The following RABGEF1 variants were observed in gnomAD, a reference collection of about 807,000 sequenced individuals.
RABGEF1 encodes RAB guanine nucleotide exchange factor 1, also known as rab5 GDP/GTP exchange factor.
Under a neutral mutation model 57.3 loss-of-function variants are expected in RABGEF1, and 26 were observed. That is an observed-to-expected ratio of 0.45 (90% CI 0.33 to 0.63). The LOEUF (loss-of-function observed/expected upper bound fraction) is 0.63. Among genes scored for constraint, RABGEF1 ranks in the 20% least tolerant of loss-of-function variants. The pLI, the probability that RABGEF1 is intolerant of heterozygous loss-of-function variation, is 0.02. For synonymous variants in RABGEF1, 185 were observed against 210.7 expected, an observed-to-expected ratio of 0.88 and a Z score of 1.06; for missense variants, 464 against 607.6, an observed-to-expected ratio of 0.76 and a Z score of 2.48.
chr7:66,802,947 G>A (rs1317065453), intron 7 of RABGEF1, among the ~76,000 whole-genome samples: 4 of 151,258 alleles, frequency 2.6e-5, no homozygotes, highest in African/African-American at 9.7e-5. Flanking sequence ...AAATAAAAGA[G>A]AGAAAAAAAA....
At chr7:66,794,960 A>C (rs1813659458) in intron 4 of RABGEF1, among the ~76,000 whole-genome samples, 1 of 152,242 alleles carries the variant, frequency 6.6e-6, no homozygotes, top group Non-Finnish European at 1.5e-5. Context: ...AAATCTATTT[A>C]AGAATACGTA....
intron 1 of RABGEF1, among the ~76,000 whole-genome samples, chr7:66,698,233 A>G (rs1258384698): frequency 6.6e-6 from 1 of 152,186 alleles, no homozygotes; most frequent in Admixed American, 6.5e-5. Context: ...GAGCCTCACC[A>G]GTGCATGCAC....
chr7:66,684,588 G>A (rs1790310752), intron 1 of RABGEF1, among the ~76,000 whole-genome samples: 1 of 152,140 alleles, frequency 6.6e-6, no homozygotes, highest in Admixed American at 6.6e-5. Context: ...CCAAGTAGCT[G>A]GGAACACAGG....
At chr7:66,688,652 TAAAC>T (rs911677297) in intron 1 of RABGEF1, among the ~76,000 whole-genome samples, 1 of 152,168 alleles carries the variant, frequency 6.6e-6, no homozygotes, top group East Asian at 1.9e-4. Flanking sequence ...AACACACTCT[TAAAC>T]AATCACTGGT....
chr7:66,759,674 A>G (rs375301261), intron 1 of RABGEF1, among the ~76,000 whole-genome samples: 4 of 152,132 alleles, frequency 2.6e-5, no homozygotes, highest in African/African-American at 9.7e-5. Flanking sequence ...TGTCTCCCCT[A>G]GTGGGAGCAG....
At chr7:66,752,195 TAAAA>T (rs374011194) in intron 1 of RABGEF1, among the ~76,000 whole-genome samples, 1 of 145,610 alleles carries the variant, frequency 6.9e-6, no homozygotes, top group Non-Finnish European at 1.5e-5. Context: ...CTGTCCCAAT[TAAAA>T]AAAAAAAGTC....
the RABGEF1 span, among the ~76,000 whole-genome samples, chr7:66,664,262 A>G: frequency 5.3e-5 from 8 of 152,102 alleles, no homozygotes; most frequent in East Asian, 1.5e-3. Flanking sequence ...TGAAATGTGT[A>G]AACAGTGAAC....
At chr7:66,676,908 A>G in the RABGEF1 span, among the ~76,000 whole-genome samples, 4 of 152,206 alleles carry the variant, frequency 2.6e-5, no homozygotes, top group African/African-American at 9.6e-5. Context: ...CTTGATGCAC[A>G]AAAGTTAAAA....
rs373790046 is a variant in RABGEF1, at chr7:66,757,705, A to C, written c.-17-14178A>C. ...CGGCTCACTGCAAGCTCCGCCTGCC[A>C]GGTTCATGCCATTCTCCTGCCTCAG... On this transcript the variant is annotated intron_variant, in intron 1 of 8. Transcript: ENST00000284957. 5.9e-5 allele frequency among the ~76,000 whole-genome samples: 9 copies of C among 152,282 alleles called. No individual in the cohort carries two copies. In the East Asian group the frequency reaches 9.6e-4, roughly 16 times the overall value.
chr7:66,674,750 ACT>A, the RABGEF1 span, among the ~76,000 whole-genome samples: 1 of 151,940 alleles, frequency 6.6e-6, no homozygotes. Flanking sequence ...AAAAGGCAAA[ACT>A]CATCTTTACT....
At chr7:66,693,925 A>G (rs1488559774) in intron 1 of RABGEF1, among the ~76,000 whole-genome samples, 1 of 151,498 alleles carries the variant, frequency 6.6e-6, no homozygotes, top group East Asian at 1.9e-4. Flanking sequence ...CTCCTGCCTC[A>G]TCCACCAGAG....
At chr7:66,800,374 C>T (rs1158185528) in intron 7 of RABGEF1, among the ~76,000 whole-genome samples, 2 of 152,220 alleles carry the variant, frequency 1.3e-5, no homozygotes, top group Admixed American at 6.5e-5. Flanking sequence ...TCCAGGCATT[C>T]TCTGCTGATG....
the RABGEF1 span, among the ~76,000 whole-genome samples, chr7:66,676,958 G>C: frequency 6.6e-6 from 1 of 152,118 alleles, no homozygotes; most frequent in African/African-American, 2.4e-5. Flanking sequence ...TTCTTTTATT[G>C]CCTGTCCGTT....
At chr7:66,749,004 T>A (rs890985184) in intron 1 of RABGEF1, 6 of 170,370 alleles carry the variant, frequency 3.5e-5, no homozygotes, top group Admixed American at 3.2e-4. Flanking sequence ...GTAGGTGATA[T>A]CAGGCCTTCA....
intron 2 of RABGEF1, among the ~76,000 whole-genome samples, chr7:66,731,307 G>A (rs1797281935): frequency 6.6e-6 from 1 of 152,180 alleles, no homozygotes; most frequent in Admixed American, 6.5e-5. Context: ...TGGAAAACCA[G>A]AGAAGAGGAA....
intron 1 of RABGEF1, among the ~76,000 whole-genome samples, chr7:66,767,000 C>CTTTTTTTTTTTTTTTTTT (rs34123866): frequency 9.7e-6 from 1 of 102,600 alleles, no homozygotes; most frequent in Non-Finnish European, 1.9e-5. Flanking sequence ...TGTCAAGTTT[C>CTTTTTTTTTTTTTTTTTT]TTTTTTTTTT....
chr7:66,761,995 A>G (rs1283852091), intron 1 of RABGEF1, among the ~76,000 whole-genome samples: 1 of 152,108 alleles, frequency 6.6e-6, no homozygotes, highest in Non-Finnish European at 1.5e-5. Flanking sequence ...CGAAGGTTGC[A>G]GTGAGCTGAG....
chr7:66,752,231 C>T (rs1186078607), intron 1 of RABGEF1, among the ~76,000 whole-genome samples: 8 of 151,932 alleles, frequency 5.3e-5, no homozygotes, highest in Non-Finnish European at 1.0e-4. Flanking sequence ...AGGTGGCTCA[C>T]GCCTGTAATC....
At chr7:66,687,675 TAAATA>T (rs910620237) in intron 1 of RABGEF1, among the ~76,000 whole-genome samples, 13 of 151,916 alleles carry the variant, frequency 8.6e-5, no homozygotes, top group African/African-American at 2.2e-4. Context: ...AAAAATTAGT[TAAATA>T]AAATAAAACA....
Sources: allele counts gnomAD v4.1 joint callset (sites outside exome capture counted in the v4.1 genomes callset), GRCh38; gene constraint gnomAD v4.1.1; transcripts MANE v1.5; gene names NCBI Gene and HGNC (gene_info 2026-07-23, HGNC 2026-07-21).